Variants in KAT2B observed in about 807,000 individuals in gnomAD.
KAT2B encodes the protein lysine acetyltransferase 2B.
In KAT2B, 36 loss-of-function variants were observed where a neutral mutation model predicts 105.9. The observed-to-expected ratio is 0.34, with a 90% CI of 0.26 to 0.45. The LOEUF (loss-of-function observed/expected upper bound fraction) is 0.45, where lower values mean the gene tolerates loss of function less well. KAT2B is among the 20% of genes least tolerant of loss of function. The pLI is 1.00. For synonymous variants in KAT2B, 397 were observed against 377.9 expected (o/e 1.05, Z -0.59); for missense variants, 820 against 1,021.6 (o/e 0.80, Z 2.69).
intron 2 of KAT2B, among the ~76,000 whole-genome samples, chr3:20,078,682 C>G (rs1397070629): frequency 6.6e-6 from 1 of 151,630 alleles, no homozygotes. Flanking sequence ...TCATCTTTTT[C>G]TGATATATGT....
In KAT2B at chr3:20,152,565, T is replaced by C. The variant is rs1296413120; in HGVS notation, c.*40T>C. ...TGCTTCTTAGAAACTCACCAAGCAG[T>C]GTGCCTAAAGCAAGGTGGTTTAGTT... On this transcript the variant is annotated 3_prime_UTR_variant, in exon 18 of 18. Transcript: ENST00000263754. 6.5e-7 allele frequency: 1 copy of C among 1,532,950 alleles called. No individual in the cohort carries two copies. Among genetic ancestry groups the C allele is most frequent in the Non-Finnish European group, 9.0e-7 (1 of 1,111,382 alleles). 95.0% of individuals were successfully genotyped at this position (1,532,950 alleles called of 1,614,324 possible).
Position 20,140,268 on chromosome 3 carries a change from T to C in KAT2B, c.1908T>C (p.Tyr636=). 1 of 1,611,016 alleles carries C rather than the reference T, an allele frequency of 6.2e-7. No individual in the cohort carries two copies. The highest frequency in any genetic ancestry group is 8.5e-7 in the Non-Finnish European group (1 of 1,177,222). Reference sequence around the variant, plus strand: ...TACCTAAAACCAAATATGTTGGCTATATCAAGGATTATGAAGGAGCCACTT... The same window carrying C: ...TACCTAAAACCAAATATGTTGGCTACATCAAGGATTATGAAGGAGCCACTT... ...IKIPKTKYVG[Y]IKDYEGATLM... The change falls in exon 13 of 18, where the codon TAT becomes TAC. Residue 636 remains tyrosine, a synonymous_variant. Transcript: ENST00000263754.
chr3:20,053,673 T>G (rs1324409269), intron 1 of KAT2B, among the ~76,000 whole-genome samples: 1 of 152,252 alleles, frequency 6.6e-6, no homozygotes, highest in African/African-American at 2.4e-5. Context: ...AAAAATCAAT[T>G]GTATATGAAG....
chr3:20,102,876 C>T (rs1698934122), intron 5 of KAT2B, among the ~76,000 whole-genome samples: 1 of 152,154 alleles, frequency 6.6e-6, no homozygotes, highest in Non-Finnish European at 1.5e-5. Flanking sequence ...TTTTGATAGC[C>T]TGTCAAGACC....
rs1008653849 is a variant in KAT2B, at chr3:20,087,351, ATAAT to A, written c.431-7910_431-7907del. ...ATTATATGTTAATTAAAATGAGAAA[ATAAT>A]TTATTTTTTTCGGTTTTATTAAGGT... is the stretch of plus-strand genomic sequence containing the variant. On this transcript the variant is annotated intron_variant, in intron 2 of 17. Transcript: ENST00000263754. Among the ~76,000 whole-genome samples, 74 of 152,268 alleles carry A rather than the reference ATAAT, an allele frequency of 4.9e-4. 1 individual carries two copies. The highest frequency in any genetic ancestry group is 4.1e-3 in the Admixed American group (63 of 15,290).
At position 20,040,630 on chromosome 3, in the gene KAT2B, C is replaced by G; in HGVS notation, c.153C>G (p.Ala51=). 1 of 1,372,576 alleles carries G rather than the reference C, an allele frequency of 7.3e-7. No individual in the cohort carries two copies. Among genetic ancestry groups the G allele is most frequent in the South Asian group, 1.7e-5 (1 of 59,910 alleles). 85.0% of individuals were successfully genotyped at this position (1,372,576 alleles called of 1,614,324 possible). Residue 51 remains alanine (A), a synonymous_variant, in exon 1 of 18, where the codon GCC becomes GCG. Transcript: ENST00000263754. ...PCAAAAGGSG[A]CGPATAVAAA... is the part of the protein sequence containing the mutation. The stretch of plus-strand genomic sequence containing the variant: ...CCGCTGCCGCCGGGGGCTCGGGCGC[C>G]TGCGGTCCGGCGACGGCAGTGGCTG...
Position 20,148,007 on chromosome 3 carries a change from T to C in KAT2B, c.2156+8T>C. 2 of 1,613,118 alleles carry C rather than the reference T, an allele frequency of 1.2e-6. No homozygotes were observed. The highest frequency in any genetic ancestry group is 1.1e-5 in the South Asian group (1 of 91,016). ...GAGTGGAAAAGAGAAAAGGTAAGTA[T>C]GACGGGCAAGAGGATGTTAATGGAA... is the stretch of plus-strand genomic sequence containing the variant. On this transcript the variant is annotated splice_region_variant and intron_variant, in intron 15 of 17. Transcript: ENST00000263754.
intron 8 of KAT2B, among the ~76,000 whole-genome samples, chr3:20,121,549 C>G (rs1242617628): frequency 6.6e-6 from 1 of 152,026 alleles, no homozygotes; most frequent in Admixed American, 6.6e-5. Context: ...ACTTGATAGG[C>G]TAGTGGTCCT....
At chr3:20,082,573 G>C (rs1698538985) in intron 2 of KAT2B, among the ~76,000 whole-genome samples, 2 of 151,798 alleles carry the variant, frequency 1.3e-5, no homozygotes. Flanking sequence ...TTTATTTGTT[G>C]ACTTTTATAA....
intron 5 of KAT2B, among the ~76,000 whole-genome samples, chr3:20,107,717 C>A (rs1319685481): frequency 6.7e-6 from 1 of 149,722 alleles, no homozygotes; most frequent in Non-Finnish European, 1.5e-5. Context: ...CACCATGTAA[C>A]CATTGTGAAA....
In KAT2B at chr3:20,067,652, ATTCT is replaced by A. The variant is rs774650619; in HGVS notation, c.304-4674_304-4671del. 1.2e-4 allele frequency among the ~76,000 whole-genome samples: 19 copies of A among 152,118 alleles called. No homozygotes were observed. In the South Asian group the frequency reaches 2.1e-3, roughly 17 times the overall value. Reference sequence around the variant, plus strand: ...AGGAAGAAAAGTTTTAGATCCTTGAATTCTTTCTTTATTTATTTTTTTATATTTT... The same window carrying A: ...AGGAAGAAAAGTTTTAGATCCTTGAATTCTTTATTTATTTTTTTATATTTT... On this transcript the variant is annotated intron_variant, in intron 1 of 17. Transcript: ENST00000263754.
intron 7 of KAT2B, among the ~76,000 whole-genome samples, chr3:20,116,655 G>C (rs1313193320): frequency 6.6e-6 from 1 of 152,012 alleles, no homozygotes; most frequent in Non-Finnish European, 1.5e-5. Flanking sequence ...TTCATCTCCT[G>C]TGAATGCAGC....
At chr3:20,062,613 C>T (rs1035529027) in intron 1 of KAT2B, among the ~76,000 whole-genome samples, 3 of 151,076 alleles carry the variant, frequency 2.0e-5, no homozygotes, top group South Asian at 2.1e-4. Flanking sequence ...AGGCATGCGC[C>T]GCCACGCCCA....
chr3:20,056,856 C>T (rs893544483), intron 1 of KAT2B, among the ~76,000 whole-genome samples: 1 of 152,160 alleles, frequency 6.6e-6, no homozygotes, highest in Non-Finnish European at 1.5e-5. Flanking sequence ...CAAGCCACAC[C>T]CCTTCTCTAA....
chr3:20,143,422 A>G (rs1699727669), intron 13 of KAT2B, among the ~76,000 whole-genome samples: 1 of 152,212 alleles, frequency 6.6e-6, no homozygotes, highest in Non-Finnish European at 1.5e-5. Flanking sequence ...GAATGCTTAT[A>G]CACTCTTGGT....
At chr3:20,142,167 G>C (rs925188796) in intron 13 of KAT2B, among the ~76,000 whole-genome samples, 1 of 152,158 alleles carries the variant, frequency 6.6e-6, no homozygotes, top group African/African-American at 2.4e-5. Context: ...CAAACCTACA[G>C]GGGAACGCCA....
intron 2 of KAT2B, among the ~76,000 whole-genome samples, chr3:20,077,598 T>C (rs942492447): frequency 6.6e-6 from 1 of 152,238 alleles, no homozygotes; most frequent in Non-Finnish European, 1.5e-5. Context: ...TTATATTTTA[T>C]ATTGATTATA....
intron 2 of KAT2B, among the ~76,000 whole-genome samples, chr3:20,078,110 C>T (rs1400944480): frequency 6.6e-6 from 1 of 151,992 alleles, no homozygotes; most frequent in Non-Finnish European, 1.5e-5. Flanking sequence ...GCCTGGGAGG[C>T]AGAGGTTTCA....
intron 5 of KAT2B, among the ~76,000 whole-genome samples, chr3:20,109,293 G>A (rs1302383380): frequency 6.7e-6 from 1 of 149,512 alleles, no homozygotes; most frequent in Non-Finnish European, 1.5e-5. Flanking sequence ...CAGATAGATA[G>A]ATAGATAGAT....
Sources: allele counts gnomAD v4.1 joint callset (sites outside exome capture counted in the v4.1 genomes callset), GRCh38; gene constraint gnomAD v4.1.1; transcripts MANE v1.5; gene names NCBI Gene and HGNC (gene_info 2026-07-23, HGNC 2026-07-21).